Variants in DAB2 observed in about 807,000 individuals in gnomAD.
DAB2 encodes DAB adaptor protein 2.
In DAB2, 28 loss-of-function variants were observed where a neutral mutation model predicts 71.6. The observed-to-expected ratio is 0.39, with a 90% CI of 0.29 to 0.54. The LOEUF (loss-of-function observed/expected upper bound fraction) is 0.54, where lower values mean the gene tolerates loss of function less well. Among genes scored for constraint, DAB2 ranks in the 20% least tolerant of loss-of-function variants. The probability of loss-of-function intolerance (pLI) is 0.68; values close to 1 mark genes in which losing one functional copy is unlikely to be tolerated. For missense variants in DAB2, 867 were observed against 928.8 expected, an observed-to-expected ratio of 0.93 and a Z score of 0.86; for synonymous variants, 345 against 339.7, an observed-to-expected ratio of 1.02 and a Z score of -0.17.
chr5:39,412,847 C>T (rs1174002614), intron 1 of DAB2, among the ~76,000 whole-genome samples: 2 of 152,082 alleles, frequency 1.3e-5, no homozygotes, highest in Admixed American at 6.5e-5. Flanking sequence ...TGCTTTACAA[C>T]AAAAGAGATA....
At chr5:39,404,504 C>T (rs1295440825) in intron 1 of DAB2, among the ~76,000 whole-genome samples, 3 of 140,472 alleles carry the variant, frequency 2.1e-5, no homozygotes, top group African/African-American at 7.8e-5. Flanking sequence ...CTATAAAGAA[C>T]GTTTAGAAGA....
intron 1 of DAB2, among the ~76,000 whole-genome samples, chr5:39,397,750 C>T (rs1188536852): frequency 1.3e-5 from 2 of 152,168 alleles, no homozygotes; most frequent in African/African-American, 4.8e-5. Flanking sequence ...TCAAGTGTTT[C>T]ACTTGAATAT....
chr5:39,376,632 G>T lies in DAB2; in HGVS notation c.2137+18C>A. ...GAGATAGTTGTTGGAACAGTAGGCA[G>T]AGTGGTGAGTGGCTTACCATTGATC... On this transcript the variant is annotated intron_variant, in intron 12 of 14. Coordinates refer to ENST00000320816, the MANE Select transcript of DAB2 (RefSeq NM_001343.4). The T allele has an allele frequency of 6.2e-7, 1 of 1,610,666 alleles. No individual in the cohort carries two copies. Among genetic ancestry groups the T allele is most frequent in the Non-Finnish European group, 8.5e-7 (1 of 1,178,288 alleles).
chr5:39,381,840 C>G (rs1448727768), intron 10 of DAB2, among the ~76,000 whole-genome samples: 1 of 152,204 alleles, frequency 6.6e-6, no homozygotes, highest in East Asian at 1.9e-4. Context: ...TCTGACACTA[C>G]CTAGGACTTG....
At chr5:39,393,588 A>G (rs62358411) in intron 2 of DAB2, among the ~76,000 whole-genome samples, 195 bp from the exon 3 acceptor site, 4,018 of 152,218 alleles carry the variant, frequency 0.026, 84 homozygotes, top group South Asian at 0.086. Flanking sequence ...TATGGAGTTG[A>G]GGTGGGGAGA....
chr5:39,399,620 T>A (rs1044673558), intron 1 of DAB2, among the ~76,000 whole-genome samples: 41 of 152,228 alleles, frequency 2.7e-4, no homozygotes, highest in Non-Finnish European at 4.3e-4. Context: ...TTCCCCCTTC[T>A]GTGGGACTAG....
chr5:39,386,445 C>T (rs1400504413), intron 9 of DAB2, among the ~76,000 whole-genome samples: 1 of 152,072 alleles, frequency 6.6e-6, no homozygotes, highest in East Asian at 1.9e-4. Context: ...TATTTTTGAC[C>T]TATGACTATA....
At chr5:39,384,469 A>G (rs1243941122) in intron 9 of DAB2, among the ~76,000 whole-genome samples, 1 of 152,242 alleles carries the variant, frequency 6.6e-6, no homozygotes, top group African/African-American at 2.4e-5. Context: ...GGTTGACCAC[A>G]GACTTAATTT....
intron 1 of DAB2, among the ~76,000 whole-genome samples, chr5:39,400,395 G>A (rs1755471466): frequency 6.6e-6 from 1 of 151,976 alleles, no homozygotes; most frequent in Admixed American, 6.6e-5. Context: ...ACCATGCCTG[G>A]CTAAGTTTTT....
In DAB2 at chr5:39,389,126, A is replaced by C; in HGVS notation, c.544-3T>G. On this transcript the variant is annotated splice_region_variant and splice_polypyrimidine_tract_variant and intron_variant, in intron 6 of 14. Transcript: ENST00000320816. ...ACTGCTTTGCTGGCTTCCTCTATCT[A>C]AAAAGAAAGATACATATTCAGTGAT... 1 of 1,609,944 alleles carries C rather than the reference A, an allele frequency of 6.2e-7. No homozygotes were observed. The highest frequency in any genetic ancestry group is 2.2e-5 in the East Asian group (1 of 44,856).
Position 39,388,167 on chromosome 5 carries a change from A to C in DAB2, c.687+138T>G, listed in dbSNP as rs755702807. ...TGACTTAAGATTCACATTTATTCTA[A>C]AAACCATTGACACTTCATTTGCAAA... On this transcript the variant is annotated intron_variant, in intron 9 of 14. Coordinates refer to ENST00000320816, the MANE Select transcript of DAB2 (RefSeq NM_001343.4). 74 of 662,734 alleles carry C rather than the reference A, an allele frequency of 1.1e-4. No homozygotes were observed. In the Middle Eastern group the frequency reaches 2.1e-3, roughly 19 times the overall value. The allele number at this position is 662,734 out of a possible 1,614,324, so 41.1% of individuals were successfully genotyped here.
intron 13 of DAB2, 101 bp from the exon 14 acceptor site, chr5:39,375,185 T>C (rs767640926): frequency 5.5e-5 from 44 of 806,678 alleles, no homozygotes; most frequent in Non-Finnish European, 9.0e-5. Context: ...GCTTAGGTCA[T>C]AGGCCAATCA....
At chr5:39,383,385 G>T in intron 9 of DAB2, 114 bp from the exon 10 acceptor site, 1 of 888,662 alleles carries the variant, frequency 1.1e-6, no homozygotes, top group Non-Finnish European at 1.7e-6. Context: ...ATTTGGTCTT[G>T]ATAAATCGGT....
chr5:39,392,318 G>A (rs765578147), intron 4 of DAB2, 47 bp downstream of exon 4: 1 of 1,435,736 alleles, frequency 7.0e-7, no homozygotes, highest in Non-Finnish European at 9.8e-7. Flanking sequence ...CAAATTGTTG[G>A]TCAGACTCAG....
intron 1 of DAB2, among the ~76,000 whole-genome samples, chr5:39,402,112 T>G (rs986751704): frequency 6.6e-6 from 1 of 152,054 alleles, no homozygotes; most frequent in Non-Finnish European, 1.5e-5. Context: ...TGAGACTTAT[T>G]CACTACCAAG....
chr5:39,394,175 C>G, intron 2 of DAB2, 55 bp downstream of exon 2: 1 of 1,395,542 alleles, frequency 7.2e-7, no homozygotes, highest in African/African-American at 1.4e-5. Context: ...TCACATTTCT[C>G]CAGGGGTAAC....
chr5:39,406,797 A>G, intron 1 of DAB2, among the ~76,000 whole-genome samples: 1 of 152,200 alleles, frequency 6.6e-6, no homozygotes, highest in Non-Finnish European at 1.5e-5. Context: ...CCAAGGGCAT[A>G]CAATTTTCTA....
intron 3 of DAB2, 104 bp downstream of exon 3, chr5:39,393,150 C>G: frequency 8.6e-7 from 1 of 1,167,862 alleles, no homozygotes; most frequent in Non-Finnish European, 1.2e-6. Flanking sequence ...TGATTAAAAG[C>G]AGTTTTCAAG....
chr5:39,376,078 A>C lies in DAB2; in HGVS notation c.2166T>G (p.Val722=). The C allele has an allele frequency of 6.2e-7, 1 of 1,614,036 alleles. No individual in the cohort carries two copies. The highest frequency in any genetic ancestry group is 8.5e-7 in the Non-Finnish European group (1 of 1,179,968). The part of the protein sequence containing the change: ...NEPPKPAPRQ[V]SLPVTKSTDN... ...CAGTAGATTTGGTAACTGGCAGGGA[A>C]ACTTGTCTGGGAGCTGGCTTTGGTG... Residue 722 remains valine, a synonymous_variant, in exon 13 of 15, where the codon GTT becomes GTG. Coordinates refer to ENST00000320816, the MANE Select transcript of DAB2 (RefSeq NM_001343.4).
Sources: gnomAD v4.1 joint callset for allele counts (sites outside exome capture counted in the v4.1 genomes callset) on GRCh38, gnomAD v4.1.1 for gene constraint, MANE v1.5 for transcripts, NCBI Gene and HGNC (gene_info 2026-07-23, HGNC 2026-07-21) for gene names.